STX8: variants seen among roughly 807,000 people sequenced by gnomAD.
STX8 encodes syntaxin-8.
In STX8, 23 loss-of-function variants were observed where a neutral mutation model predicts 37.5. The observed-to-expected ratio is 0.61, with a 90% CI of 0.44 to 0.87. STX8 has a LOEUF of 0.87. STX8 is among the 40% of genes least tolerant of loss of function. The probability of loss-of-function intolerance (pLI) is 0.00; values close to 1 mark genes in which losing one functional copy is unlikely to be tolerated. For missense variants in STX8, 313 were observed against 284.7 expected (o/e 1.10, Z -0.71); for synonymous variants, 115 against 99.1 (o/e 1.16, Z -0.95).
intron 4 of STX8, among the ~76,000 whole-genome samples, chr17:9,542,678 A>AT (rs1343552129): frequency 6.7e-6 from 1 of 150,052 alleles, no homozygotes; most frequent in African/African-American, 2.5e-5. Flanking sequence ...CTCCATCTCA[A>AT]AAAATAAATA....
chr17:9,346,889 A>G (rs1427664851), intron 7 of STX8, among the ~76,000 whole-genome samples: 1 of 152,024 alleles, frequency 6.6e-6, no homozygotes, highest in African/African-American at 2.4e-5. Flanking sequence ...GCACTCTGGG[A>G]GGCCGAGGTG....
intron 4 of STX8, among the ~76,000 whole-genome samples, chr17:9,533,395 A>T (rs1408687920): frequency 6.6e-6 from 1 of 152,176 alleles, no homozygotes; most frequent in African/African-American, 2.4e-5. Flanking sequence ...GGAACCTCGG[A>T]GGCAGAGGCT....
chr17:9,545,711 G>T (rs1332778941), intron 3 of STX8, among the ~76,000 whole-genome samples: 1 of 152,186 alleles, frequency 6.6e-6, no homozygotes, highest in African/African-American at 2.4e-5. Flanking sequence ...CTCCCGAGTA[G>T]CTGGGCTTAC....
intron 6 of STX8, among the ~76,000 whole-genome samples, chr17:9,483,664 G>A (rs961691705): frequency 2.6e-5 from 4 of 152,078 alleles, no homozygotes; most frequent in East Asian, 3.9e-4. Context: ...GCGCAGAGTC[G>A]TATTTTATCC....
At chr17:9,542,655 C>T (rs1173894569) in intron 4 of STX8, among the ~76,000 whole-genome samples, 1 of 150,716 alleles carries the variant, frequency 6.6e-6, no homozygotes, top group Admixed American at 6.6e-5. Flanking sequence ...CCAGCCTGGG[C>T]GACAGAGCAA....
At chr17:9,398,025 A>G (rs1171951016) in intron 6 of STX8, among the ~76,000 whole-genome samples, 1 of 151,596 alleles carries the variant, frequency 6.6e-6, no homozygotes, top group Non-Finnish European at 1.5e-5. Flanking sequence ...ACAAAATAAC[A>G]TGATTGAATA....
Position 9,360,382 on chromosome 17 carries a change from G to C in STX8, c.643+18170C>G, listed in dbSNP as rs1011407958. Among the ~76,000 whole-genome samples the C allele has an allele frequency of 2.0e-4, 31 of 151,528 alleles. 1 individual carries two copies. In the East Asian group the frequency reaches 4.1e-3, roughly 20 times the overall value. ...CCCGAGTAGCTGGGATTACAGTCGT[G>C]CACCACCACGCCCAGCTCATTTTTG... On this transcript the variant is annotated intron_variant, in intron 7 of 7. Coordinates refer to ENST00000306357, the MANE Select transcript of STX8 (RefSeq NM_004853.3).
intron 6 of STX8, among the ~76,000 whole-genome samples, chr17:9,384,791 G>T (rs1911932045): frequency 9.7e-6 from 1 of 103,268 alleles, no homozygotes; most frequent in African/African-American, 4.5e-5. Flanking sequence ...AGTCCAGATA[G>T]ACTTGTGTGT....
At chr17:9,288,110 G>GA (rs1491059675) in intron 7 of STX8, among the ~76,000 whole-genome samples, 1 of 65,578 alleles carries the variant, frequency 1.5e-5, no homozygotes, top group Non-Finnish European at 2.8e-5. Context: ...GGGGGGGGGG[G>GA]GAGAAAAGCA....
intron 7 of STX8, among the ~76,000 whole-genome samples, chr17:9,304,507 C>CAAAAAAAAA (rs35673905): frequency 1.2e-4 from 7 of 56,870 alleles, no homozygotes; most frequent in East Asian, 1.2e-3. Context: ...GAAACTGTCT[C>CAAAAAAAAA]AAAAAAAAAA....
chr17:9,431,587 G>A (rs560638888), intron 6 of STX8, among the ~76,000 whole-genome samples: 8 of 152,264 alleles, frequency 5.3e-5, no homozygotes, highest in Admixed American at 1.3e-4. Context: ...GAGCCACCGC[G>A]GCTGGCCAAG....
chr17:9,533,852 C>G (rs1473630027), intron 4 of STX8, among the ~76,000 whole-genome samples: 2 of 152,148 alleles, frequency 1.3e-5, no homozygotes, highest in Non-Finnish European at 2.9e-5. Context: ...TTATCAGAAC[C>G]TCAATTTTGT....
intron 4 of STX8, among the ~76,000 whole-genome samples, chr17:9,508,033 T>C (rs1904901001): frequency 6.6e-6 from 1 of 152,088 alleles, no homozygotes; most frequent in Non-Finnish European, 1.5e-5. Flanking sequence ...CAAGGAAACA[T>C]GACACCTCCA....
chr17:9,509,420 C>A (rs78208476), intron 4 of STX8, among the ~76,000 whole-genome samples: 4 of 151,742 alleles, frequency 2.6e-5, no homozygotes, highest in Admixed American at 1.3e-4. Context: ...AATCTGCCAA[C>A]CAAGAATATT....
At chr17:9,336,492 G>A (rs745737370) in intron 7 of STX8, among the ~76,000 whole-genome samples, 7 of 151,148 alleles carry the variant, frequency 4.6e-5, no homozygotes, top group Non-Finnish European at 1.0e-4. Flanking sequence ...CTGGAGTGCA[G>A]TGGCACGATC....
intron 6 of STX8, among the ~76,000 whole-genome samples, chr17:9,414,780 CTGCTT>C (rs1913119445): frequency 8.2e-6 from 1 of 121,312 alleles, no homozygotes; most frequent in Admixed American, 9.6e-5. Context: ...TACCTGAGTT[CTGCTT>C]TTTTTTTTTT....
chr17:9,559,408 A>T (rs1907115737), intron 2 of STX8, among the ~76,000 whole-genome samples: 1 of 152,112 alleles, frequency 6.6e-6, no homozygotes, highest in Non-Finnish European at 1.5e-5. Context: ...TTATTCTAGT[A>T]ATTTAAGAAC....
At chr17:9,305,934 G>A (rs1287567688) in intron 7 of STX8, among the ~76,000 whole-genome samples, 10 of 151,456 alleles carry the variant, frequency 6.6e-5, no homozygotes, top group African/African-American at 1.5e-4. Context: ...TAGAAGAGAC[G>A]GGGTTTCACC....
At chr17:9,281,998 G>A (rs569701599) in intron 7 of STX8, among the ~76,000 whole-genome samples, 6 of 152,334 alleles carry the variant, frequency 3.9e-5, no homozygotes, top group African/African-American at 1.4e-4. Flanking sequence ...CCCTCCTGGG[G>A]CCTTCTCCCC....
Sources: gnomAD v4.1 joint callset for allele counts (sites outside exome capture counted in the v4.1 genomes callset) on GRCh38, gnomAD v4.1.1 for gene constraint, MANE v1.5 for transcripts, NCBI Gene and HGNC (gene_info 2026-07-23, HGNC 2026-07-21) for gene names.